CLGN: variants seen among roughly 807,000 people sequenced by gnomAD.
CLGN encodes testis tissue sperm-binding protein Li 79P.
A neutral mutation model predicts 79.1 loss-of-function variants in CLGN; 62 were observed. The observed-to-expected ratio is 0.78, with a 90% confidence interval of 0.64 to 0.97. The LOEUF (loss-of-function observed/expected upper bound fraction) is 0.97. Among genes scored for constraint, CLGN ranks in the 50% least tolerant of loss-of-function variants. The pLI, the probability that CLGN is intolerant of heterozygous loss-of-function variation, is 0.00. For synonymous variants in CLGN, 225 were observed against 224.7 expected (o/e 1.00, Z -0.01); for missense variants, 647 against 715.5 (o/e 0.90, Z 1.09).
intron 13 of CLGN, among the ~76,000 whole-genome samples, chr4:140,391,100 A>AT (rs904626733): frequency 3.3e-5 from 5 of 151,694 alleles, no homozygotes; most frequent in Admixed American, 1.3e-4. Context: ...GACATCATGC[A>AT]TTTTTTCAGT....
chr4:140,415,156 A>G (rs939302745), intron 1 of CLGN, among the ~76,000 whole-genome samples: 1 of 152,210 alleles, frequency 6.6e-6, no homozygotes, highest in African/African-American at 2.4e-5. Context: ...ATGCTGAGAG[A>G]TTTTGTCACC....
intron 5 of CLGN, among the ~76,000 whole-genome samples, 176 bp downstream of exon 5, chr4:140,405,766 C>A (rs1036696269): frequency 6.6e-6 from 1 of 152,020 alleles, no homozygotes; most frequent in Non-Finnish European, 1.5e-5. Flanking sequence ...CATTTACCTG[C>A]TTTTTATTGA....
At chr4:140,396,587 G>T (rs1298137923) in intron 8 of CLGN, among the ~76,000 whole-genome samples, 1 of 151,598 alleles carries the variant, frequency 6.6e-6, no homozygotes, top group Non-Finnish European at 1.5e-5. Context: ...GTGGAGTCTT[G>T]TTCTTGTTTC....
intron 1 of CLGN, among the ~76,000 whole-genome samples, chr4:140,413,786 G>T (rs565296946): frequency 1.3e-5 from 2 of 151,860 alleles, no homozygotes; most frequent in South Asian, 4.1e-4. Context: ...GGGGAGGGGC[G>T]CCCGCCATTG....
At position 140,392,357 on chromosome 4, in the gene CLGN, ACT is replaced by A; in HGVS notation, c.1511_1512del (p.Glu504ValfsTer2). On this transcript the variant is annotated frameshift_variant, in exon 13 of 15. Coordinates refer to ENST00000325617, the MANE Select transcript of CLGN (RefSeq NM_004362.3). LOFTEE classifies it high-confidence loss of function. Reference protein sequence around the residue: ...RKVKKKHKDTEYKKTDICIPQ... With the variant: ...RKVKKKHKDTXYKKTDICIPQ... ...GGTATACATATGTCGGTTTTTTTAT[ACT>A]CTGTATCTTTATGTTTTTTCTGTGG... The A allele has an allele frequency of 6.3e-7, 1 of 1,596,068 alleles. No individual in the cohort carries two copies. Among genetic ancestry groups the A allele is most frequent in the Non-Finnish European group, 8.5e-7 (1 of 1,174,562 alleles).
At chr4:140,393,725 A>G in intron 11 of CLGN, 101 bp downstream of exon 11, 1 of 956,638 alleles carries the variant, frequency 1.0e-6, no homozygotes, top group Non-Finnish European at 1.6e-6. Context: ...TAGTTACTGC[A>G]CATTTATTTG....
At chr4:140,420,277 T>C (rs1218542285) in intron 1 of CLGN, among the ~76,000 whole-genome samples, 1 of 152,164 alleles carries the variant, frequency 6.6e-6, no homozygotes, top group African/African-American at 2.4e-5. Context: ...TTCTATATTA[T>C]AGTTTTTCCT....
chr4:140,391,914 C>T (rs1728779880), intron 13 of CLGN, among the ~76,000 whole-genome samples: 2 of 151,878 alleles, frequency 1.3e-5, no homozygotes, highest in Non-Finnish European at 2.9e-5. Flanking sequence ...TCCATCTCAT[C>T]TTCTACACTC....
chr4:140,400,819 A>G (rs1180786337), intron 6 of CLGN, among the ~76,000 whole-genome samples: 1 of 152,186 alleles, frequency 6.6e-6, no homozygotes, highest in Non-Finnish European at 1.5e-5. Context: ...TTAACTCTCT[A>G]TGTAAATCTA....
chr4:140,395,701 T>C, intron 10 of CLGN, 118 bp downstream of exon 10: 1 of 800,468 alleles, frequency 1.2e-6, no homozygotes, highest in Non-Finnish European at 1.8e-6. Flanking sequence ...CTATTTTCTT[T>C]GACATCTTAA....
intron 7 of CLGN, 47 bp downstream of exon 7, chr4:140,400,310 T>C (rs1728975031): frequency 7.3e-7 from 1 of 1,362,956 alleles, no homozygotes. Flanking sequence ...AATACATCAA[T>C]AGTCAGCAAA....
At position 140,420,554 on chromosome 4, in the gene CLGN, TAA is replaced by T. The variant is rs397878452; in HGVS notation, c.-10+6981_-10+6982del. Among the ~76,000 whole-genome samples the T allele has an allele frequency of 7.9e-3, 1,191 of 150,834 alleles. 9 individuals are homozygous for T. The highest frequency in any genetic ancestry group is 0.028 in the African/African-American group (1,163 of 41,064). On this transcript the variant is annotated intron_variant, in intron 1 of 14. Coordinates refer to ENST00000325617, the MANE Select transcript of CLGN (RefSeq NM_004362.3). The stretch of plus-strand genomic sequence containing the variant: ...TATTGTTTTTATTTGTTCTTTTTTT[TAA>T]AAAAAAAAATCAGAAATACAGACTT...
chr4:140,396,166 A>G lies in CLGN; in HGVS notation c.924T>C (p.Val308=). The change falls in exon 9 of 15, where the codon GTT becomes GTC. Residue 308 remains valine (V), a synonymous_variant. Transcript: ENST00000325617. The part of the protein sequence containing the change: ...SEPAQIEDSS[V]VKPAGWLDDE... ...CATCAAGCCAGCCAGCAGGTTTAAC[A>G]ACACTTGAATCTTCTATTTGGGCAG... 1 of 1,614,196 alleles carries G rather than the reference A, an allele frequency of 6.2e-7. No homozygotes were observed. The highest frequency in any genetic ancestry group is 8.5e-7 in the Non-Finnish European group (1 of 1,180,024).
Position 140,395,834 on chromosome 4 carries a change from A to T in CLGN, c.1134T>A (p.Asp378Glu). The T allele has an allele frequency of 6.6e-7, 1 of 1,505,126 alleles. No homozygotes were observed. Among genetic ancestry groups the T allele is most frequent in the Non-Finnish European group, 8.8e-7 (1 of 1,133,294 alleles). The allele number at this position is 1,505,126 out of a possible 1,614,324, so 93.2% of individuals were successfully genotyped here. Reference sequence around the variant, plus strand: ...CGGTTGTTACCTGATAGTTAGGATTATCGACCAGTGGAGGTCTCCATACTC... The same window carrying T: ...CGGTTGTTACCTGATAGTTAGGATTTTCGACCAGTGGAGGTCTCCATACTC... The part of the protein sequence containing the change: ...YKGVWRPPLV[D>E]NPNYQGIWSP... The change falls in exon 10 of 15, where the codon GAT (aspartate) becomes GAA (glutamate). Residue 378 changes from aspartate (D) to glutamate (E), a missense_variant. Transcript: ENST00000325617.
intron 8 of CLGN, among the ~76,000 whole-genome samples, chr4:140,396,983 G>A (rs937125964): frequency 6.9e-6 from 1 of 145,234 alleles, no homozygotes; most frequent in Non-Finnish European, 1.5e-5. Flanking sequence ...TCTACTTGAG[G>A]ATACACCATA....
At chr4:140,420,568 A>G (rs1211303834) in intron 1 of CLGN, among the ~76,000 whole-genome samples, 1 of 150,796 alleles carries the variant, frequency 6.6e-6, no homozygotes, top group Non-Finnish European at 1.5e-5. Context: ...AAAAAAAATC[A>G]GAAATACAGA....
chr4:140,410,447 A>C, intron 3 of CLGN, 106 bp downstream of exon 3: 1 of 736,522 alleles, frequency 1.4e-6, no homozygotes, highest in Non-Finnish European at 2.3e-6. Flanking sequence ...AACTACTTTA[A>C]AATTTTTTAT....
At chr4:140,407,562 A>C (rs1729131260) in intron 4 of CLGN, among the ~76,000 whole-genome samples, 1 of 149,446 alleles carries the variant, frequency 6.7e-6, no homozygotes, top group Non-Finnish European at 1.5e-5. Flanking sequence ...CAAATCAAGA[A>C]CTCAATGACT....
chr4:140,410,739 T>A, intron 2 of CLGN, 113 bp from the exon 3 acceptor site: 1 of 651,696 alleles, frequency 1.5e-6, no homozygotes, highest in Non-Finnish European at 2.7e-6. Context: ...AATACAGATA[T>A]GAGGTGACAA....
Sources: allele counts gnomAD v4.1 joint callset (sites outside exome capture counted in the v4.1 genomes callset), GRCh38; gene constraint gnomAD v4.1.1; transcripts MANE v1.5; gene names NCBI Gene and HGNC (gene_info 2026-07-23, HGNC 2026-07-21).